ENAH: variants seen among roughly 807,000 people sequenced by gnomAD.
The protein encoded by ENAH is ENAH actin regulator, also known as protein enabled homolog.
ENAH carries 23 observed loss-of-function variants against 78.7 expected under a neutral mutation model. The ratio of observed to expected loss-of-function variants is 0.29; its 90% CI spans 0.21 to 0.41. ENAH has a LOEUF of 0.41. Ranked by LOEUF, ENAH falls within the 10% of genes least tolerant of loss-of-function variation. The probability of loss-of-function intolerance (pLI) is 1.00; values close to 1 mark genes in which losing one functional copy is unlikely to be tolerated. For missense variants in ENAH, 544 were observed against 691.0 expected, an observed-to-expected ratio of 0.79 and a Z score of 2.39; for synonymous variants, 226 against 241.0, an observed-to-expected ratio of 0.94 and a Z score of 0.58.
At chr1:225,649,935 G>C (rs968983700) in intron 1 of ENAH, among the ~76,000 whole-genome samples, 5 of 152,132 alleles carry the variant, frequency 3.3e-5, no homozygotes, top group African/African-American at 9.7e-5. Flanking sequence ...TGAAACATCA[G>C]AACTACCTCT....
chr1:225,554,431 T>TA (rs563913203), intron 3 of ENAH, among the ~76,000 whole-genome samples: 13 of 152,206 alleles, frequency 8.5e-5, no homozygotes, highest in Non-Finnish European at 1.3e-4. Context: ...CTAAAATCTT[T>TA]AAAAAAACCG....
chr1:225,524,618 T>G (rs2096491519), intron 4 of ENAH: 1 of 985,326 alleles, frequency 1.0e-6, no homozygotes, highest in African/African-American at 1.7e-5. Context: ...CGGTCAACTT[T>G]TGGTCCATCC....
At position 225,494,080 on chromosome 1, in the gene ENAH, A is replaced by AAAAAC. The variant is rs386369810; in HGVS notation, c.*3694_*3695insGTTTT. 6.6e-6 allele frequency: 1 copy of AAAAAC among 151,130 alleles called. No individual in the cohort carries two copies. Among genetic ancestry groups the AAAAAC allele is most frequent in the Non-Finnish European group, 1.5e-5 (1 of 67,724 alleles). The allele number at this position is 151,130 out of a possible 1,614,324, so 9.4% of individuals were successfully genotyped here. A position where few individuals can be genotyped will look rare whatever the true frequency, so the allele number is the denominator to read the frequency against. On this transcript the variant is annotated 3_prime_UTR_variant, in exon 14 of 14. Transcript: ENST00000366843. Reference sequence around the variant, plus strand: ...AGGCTAGAGCAAAAAAAAAAAAAAAAAAACAGCTGAAAATTTTACAACTGT... The same window carrying AAAAAC: ...AGGCTAGAGCAAAAAAAAAAAAAAAAAAAACAAACAGCTGAAAATTTTACAACTGT...
chr1:225,636,139 AG>A (rs934311060), intron 1 of ENAH, among the ~76,000 whole-genome samples: 4 of 152,222 alleles, frequency 2.6e-5, no homozygotes, highest in Non-Finnish European at 2.9e-5. Context: ...TTATGAAAAC[AG>A]GGGAAGAGTA....
chr1:225,538,653 T>C (rs997144940), intron 3 of ENAH, among the ~76,000 whole-genome samples: 5 of 151,372 alleles, frequency 3.3e-5, no homozygotes, highest in African/African-American at 1.2e-4. Flanking sequence ...TCCCAACTTA[T>C]GACCCGAATG....
chr1:225,499,213 A>ACGGT (rs769634181), intron 12 of ENAH, among the ~76,000 whole-genome samples: 11 of 152,232 alleles, frequency 7.2e-5, no homozygotes, highest in Non-Finnish European at 8.8e-5. Context: ...ACAGCCAGGC[A>ACGGT]CGGTGGCTCA....
At chr1:225,632,207 A>G (rs1462860487) in intron 1 of ENAH, among the ~76,000 whole-genome samples, 2 of 152,218 alleles carry the variant, frequency 1.3e-5, no homozygotes, top group Non-Finnish European at 2.9e-5. Flanking sequence ...TATGTAGAAC[A>G]GTGGTTCTCA....
At chr1:225,637,634 CT>C (rs1318170635) in intron 1 of ENAH, among the ~76,000 whole-genome samples, 2 of 152,134 alleles carry the variant, frequency 1.3e-5, no homozygotes, top group African/African-American at 4.8e-5. Context: ...CATTCTATGT[CT>C]GGGTGCTGGT....
chr1:225,545,274 T>C (rs2096607866), intron 3 of ENAH, among the ~76,000 whole-genome samples: 1 of 152,222 alleles, frequency 6.6e-6, no homozygotes, highest in Non-Finnish European at 1.5e-5. Context: ...CTAGGCTGTT[T>C]GGAAAAGATA....
At chr1:225,548,693 AAC>A (rs2096626949) in intron 3 of ENAH, among the ~76,000 whole-genome samples, 1 of 152,218 alleles carries the variant, frequency 6.6e-6, no homozygotes, top group Admixed American at 6.5e-5. Flanking sequence ...TGGGAGTGAC[AAC>A]AGACATATTA....
chr1:225,555,829 T>G (rs2096663787), intron 2 of ENAH, among the ~76,000 whole-genome samples: 1 of 152,200 alleles, frequency 6.6e-6, no homozygotes, highest in East Asian at 1.9e-4. Flanking sequence ...AATTACTACA[T>G]TTATATGAAA....
chr1:225,531,133 A>C (rs1255131915), intron 3 of ENAH: 1 of 397,978 alleles, frequency 2.5e-6, no homozygotes, highest in African/African-American at 2.1e-5. Flanking sequence ...AGCATTTATC[A>C]AATTTGCCCA....
At chr1:225,502,508 T>C (rs781224079) in intron 11 of ENAH, among the ~76,000 whole-genome samples, 8 of 152,138 alleles carry the variant, frequency 5.3e-5, no homozygotes, top group African/African-American at 9.7e-5. Context: ...ACGCCCAGCC[T>C]GTTAATCTGC....
intron 4 of ENAH, 93 bp from the exon 5 acceptor site, chr1:225,519,658 CAAAT>C (rs1222963532): frequency 1.3e-6 from 2 of 1,507,162 alleles, no homozygotes; most frequent in African/African-American, 2.8e-5. Flanking sequence ...ATTTCTGAGT[CAAAT>C]AAAAGCAATG....
chr1:225,616,373 T>G (rs970366190), intron 1 of ENAH, among the ~76,000 whole-genome samples: 4 of 151,774 alleles, frequency 2.6e-5, no homozygotes, highest in African/African-American at 9.7e-5. Flanking sequence ...TAGTCACATT[T>G]AAGGCATGAG....
chr1:225,570,003 C>G (rs1353710263), intron 1 of ENAH, among the ~76,000 whole-genome samples: 1 of 151,746 alleles, frequency 6.6e-6, no homozygotes, highest in Admixed American at 6.6e-5. Context: ...TTTAGGAATT[C>G]GAGACCAGCC....
intron 1 of ENAH, among the ~76,000 whole-genome samples, chr1:225,627,235 A>G (rs1658115754): frequency 6.6e-6 from 1 of 152,230 alleles, no homozygotes; most frequent in African/African-American, 2.4e-5. Flanking sequence ...TGAAAATATC[A>G]CAACACCCTG....
intron 3 of ENAH, among the ~76,000 whole-genome samples, chr1:225,553,726 A>T (rs1190763921): frequency 6.6e-6 from 1 of 152,236 alleles, no homozygotes; most frequent in African/African-American, 2.4e-5. Context: ...TACATACAAG[A>T]CTATACAGAC....
chr1:225,531,950 T>A (rs2096539778), intron 3 of ENAH, among the ~76,000 whole-genome samples: 1 of 152,072 alleles, frequency 6.6e-6, no homozygotes, highest in Non-Finnish European at 1.5e-5. Context: ...TGCAGTGATA[T>A]ATTTCATTAG....
Sources: allele counts gnomAD v4.1 joint callset (sites outside exome capture counted in the v4.1 genomes callset), GRCh38; gene constraint gnomAD v4.1.1; transcripts MANE v1.5; gene names NCBI Gene and HGNC (gene_info 2026-07-23, HGNC 2026-07-21).